Variants in FAM135B observed in about 807,000 individuals in gnomAD.
FAM135B encodes protein FAM135B.
In FAM135B, 43 loss-of-function variants were observed where a neutral mutation model predicts 127.7. The observed-to-expected ratio is 0.34, with a 90% CI of 0.26 to 0.43. The LOEUF (loss-of-function observed/expected upper bound fraction) is 0.43. Among genes scored for constraint, FAM135B ranks in the 20% least tolerant of loss-of-function variants. FAM135B has a pLI of 1.00. For synonymous variants in FAM135B, 670 were observed against 665.1 expected (o/e 1.01, Z -0.11); for missense variants, 1,558 against 1,725.6 (o/e 0.90, Z 1.72).
At chr8:138,341,324 T>C (rs941463893) in intron 2 of FAM135B, among the ~76,000 whole-genome samples, 2 of 152,204 alleles carry the variant, frequency 1.3e-5, no homozygotes, top group South Asian at 4.1e-4. Context: ...GATAAACAAA[T>C]ACTGTATTAT....
chr8:138,189,114 G>T (rs1351313196), intron 9 of FAM135B, among the ~76,000 whole-genome samples: 1 of 152,200 alleles, frequency 6.6e-6, no homozygotes, highest in Non-Finnish European at 1.5e-5. Context: ...ACAGAGAGAG[G>T]AGAAGAGGAG....
chr8:138,447,781 C>T (rs1048626804), intron 1 of FAM135B, among the ~76,000 whole-genome samples: 3 of 148,438 alleles, frequency 2.0e-5, no homozygotes, highest in Non-Finnish European at 3.0e-5. Flanking sequence ...ATGTTTTGCA[C>T]ATGTACCCTA....
At chr8:138,183,008 A>T (rs754655422) in intron 9 of FAM135B, among the ~76,000 whole-genome samples, 1 of 149,784 alleles carries the variant, frequency 6.7e-6, no homozygotes, top group African/African-American at 2.5e-5. Context: ...CCTCCCCAAC[A>T]CCTTGTGTGC....
At chr8:138,408,237 T>C (rs1408703669) in intron 1 of FAM135B, among the ~76,000 whole-genome samples, 4 of 152,156 alleles carry the variant, frequency 2.6e-5, no homozygotes. Flanking sequence ...TTTTCCTCTA[T>C]AAGGCTGTTT....
intron 1 of FAM135B, among the ~76,000 whole-genome samples, chr8:138,380,942 A>G (rs148208776): frequency 6.6e-6 from 1 of 152,060 alleles, no homozygotes; most frequent in African/African-American, 2.4e-5. Flanking sequence ...TCAGGCCCTC[A>G]TATTAGAGCA....
intron 3 of FAM135B, among the ~76,000 whole-genome samples, chr8:138,275,010 T>C (rs1210340971): frequency 6.6e-6 from 1 of 152,120 alleles, no homozygotes; most frequent in Non-Finnish European, 1.5e-5. Flanking sequence ...GATTGAGAGA[T>C]TAAAGTAAAG....
intron 1 of FAM135B, among the ~76,000 whole-genome samples, chr8:138,491,702 G>A (rs183298865): frequency 2.0e-5 from 3 of 152,286 alleles, no homozygotes; most frequent in African/African-American, 4.8e-5. Flanking sequence ...AGTGAACTAC[G>A]TAATATATTG....
At position 138,245,058 on chromosome 8, in the gene FAM135B, T is replaced by G. The variant is rs575277116; in HGVS notation, c.543-1990A>C. ...TTGTTTCCAGCTGCTGTGATCCAAC[T>G]GATAGAAGTTCTTTCTGCAAAATCC... On this transcript the variant is annotated intron_variant, in intron 6 of 19. Coordinates refer to ENST00000395297, the MANE Select transcript of FAM135B (RefSeq NM_015912.4). 6.6e-5 allele frequency among the ~76,000 whole-genome samples: 10 copies of G among 152,302 alleles called. No homozygotes were observed. In the East Asian group the frequency reaches 1.9e-3, roughly 29 times the overall value.
intron 2 of FAM135B, among the ~76,000 whole-genome samples, chr8:138,366,557 C>A (rs1450213079): frequency 6.6e-6 from 1 of 152,194 alleles, no homozygotes; most frequent in Non-Finnish European, 1.5e-5. Context: ...ATGCCTCCTT[C>A]CCTGAAACAG....
chr8:138,494,099 T>C (rs1360375998), intron 1 of FAM135B, among the ~76,000 whole-genome samples: 2 of 151,954 alleles, frequency 1.3e-5, no homozygotes, highest in Non-Finnish European at 2.9e-5. Flanking sequence ...TGAAAAAAAA[T>C]GAGCATTTTA....
intron 1 of FAM135B, among the ~76,000 whole-genome samples, chr8:138,460,321 T>C (rs1837047687): frequency 1.3e-5 from 2 of 152,100 alleles, no homozygotes; most frequent in South Asian, 4.2e-4. Context: ...AGCCTATGAG[T>C]TCAACAACCC....
intron 1 of FAM135B, among the ~76,000 whole-genome samples, chr8:138,445,670 A>G (rs1196696854): frequency 2.0e-5 from 3 of 152,302 alleles, no homozygotes; most frequent in East Asian, 3.9e-4. Context: ...AATAAGAGCT[A>G]TTTATGACAA....
chr8:138,268,089 T>C (rs1280842574), intron 3 of FAM135B, among the ~76,000 whole-genome samples: 2 of 152,182 alleles, frequency 1.3e-5, no homozygotes, highest in Non-Finnish European at 2.9e-5. Flanking sequence ...AATCACTTGC[T>C]GTCTTGGGCA....
intron 1 of FAM135B, among the ~76,000 whole-genome samples, chr8:138,472,015 C>A (rs1230018506): frequency 1.3e-5 from 2 of 151,930 alleles, no homozygotes; most frequent in African/African-American, 2.4e-5. Context: ...GTGAAACTGG[C>A]AATTAGAAGA....
intron 12 of FAM135B, among the ~76,000 whole-genome samples, chr8:138,163,376 C>T (rs549753063): frequency 4.6e-5 from 7 of 152,206 alleles, no homozygotes; most frequent in South Asian, 2.1e-4. Flanking sequence ...GATATTGCAG[C>T]GTGCCTGGCA....
intron 2 of FAM135B, among the ~76,000 whole-genome samples, chr8:138,339,064 A>G (rs1328766639): frequency 1.3e-5 from 2 of 148,172 alleles, no homozygotes; most frequent in African/African-American, 2.5e-5. Flanking sequence ...GAACAATGAG[A>G]ACACTTGGAC....
At position 138,421,414 on chromosome 8, in the gene FAM135B, G is replaced by A. The variant is rs556738768; in HGVS notation, c.-19-53412C>T. ...AAAATCCCGTAGTCTCTGTATAGAAGCTCTTAGAACTGACAATTTCAGTAT... is the reference window on the plus strand; with the variant it reads ...AAAATCCCGTAGTCTCTGTATAGAAACTCTTAGAACTGACAATTTCAGTAT... On this transcript the variant is annotated intron_variant, in intron 1 of 19. Coordinates refer to ENST00000395297, the MANE Select transcript of FAM135B (RefSeq NM_015912.4). Among the ~76,000 whole-genome samples the A allele has an allele frequency of 1.1e-4, 16 of 152,250 alleles. No homozygotes were observed. In the South Asian group the frequency reaches 3.3e-3, roughly 32 times the overall value.
chr8:138,442,238 A>ATC (rs1491120959), intron 1 of FAM135B, among the ~76,000 whole-genome samples: 6 of 23,384 alleles, frequency 2.6e-4, no homozygotes, highest in African/African-American at 1.0e-3. Context: ...TATGGACACC[A>ATC]TATATATATA....
chr8:138,450,016 C>A (rs919746126), intron 1 of FAM135B, among the ~76,000 whole-genome samples: 1 of 152,224 alleles, frequency 6.6e-6, no homozygotes, highest in Non-Finnish European at 1.5e-5. Flanking sequence ...CTGCCTTCTG[C>A]CTCTTCTTCC....
Sources: gnomAD v4.1 joint callset for allele counts (sites outside exome capture counted in the v4.1 genomes callset) on GRCh38, gnomAD v4.1.1 for gene constraint, MANE v1.5 for transcripts, NCBI Gene and HGNC (gene_info 2026-07-23, HGNC 2026-07-21) for gene names.